The following KCNS3 variants were observed in gnomAD, a reference collection of about 807,000 sequenced individuals.
KCNS3 encodes the protein potassium voltage-gated channel modifier subfamily S member 3.
KCNS3 carries 13 observed loss-of-function variants against 31.0 expected under a neutral mutation model. The ratio of observed to expected loss-of-function variants is 0.42; its 90% confidence interval spans 0.27 to 0.67. KCNS3 has a LOEUF of 0.67. KCNS3 is among the 30% of genes least tolerant of loss of function. KCNS3 has a pLI of 0.25. For synonymous variants in KCNS3, 238 were observed against 241.5 expected, an observed-to-expected ratio of 0.99 and a Z score of 0.13; for missense variants, 545 against 622.4, an observed-to-expected ratio of 0.88 and a Z score of 1.32.
intron 2 of KCNS3, among the ~76,000 whole-genome samples, chr2:17,921,582 A>G (rs1255548993): frequency 6.6e-6 from 1 of 152,110 alleles, no homozygotes; most frequent in African/African-American, 2.4e-5. Context: ...ATTGATTAAG[A>G]GTTCCGCATG....
intron 2 of KCNS3, among the ~76,000 whole-genome samples, chr2:17,921,153 C>T (rs776028356): frequency 2.5e-4 from 38 of 152,338 alleles, no homozygotes; most frequent in South Asian, 4.1e-4. Context: ...GCACTTACCA[C>T]AGTGCATAGC....
At chr2:17,908,573 T>C (rs2125244227) in intron 1 of KCNS3, among the ~76,000 whole-genome samples, 1 of 152,354 alleles carries the variant, frequency 6.6e-6, no homozygotes, top group Non-Finnish European at 1.5e-5. Context: ...GCTCTGTTTT[T>C]TCCCCATCTT....
chr2:17,888,777 A>G (rs994405255), intron 1 of KCNS3, among the ~76,000 whole-genome samples: 13 of 150,400 alleles, frequency 8.6e-5, no homozygotes, highest in Non-Finnish European at 1.0e-4. Context: ...ATTCTGTTCC[A>G]TTGGTCCATG....
chr2:17,903,149 A>G (rs1201854233), intron 1 of KCNS3, among the ~76,000 whole-genome samples: 5 of 152,188 alleles, frequency 3.3e-5, no homozygotes, highest in African/African-American at 1.2e-4. Context: ...ACAGAATGGA[A>G]GCAGCCAGTA....
At chr2:17,885,477 G>A (rs1281843683) in intron 1 of KCNS3, among the ~76,000 whole-genome samples, 6 of 152,220 alleles carry the variant, frequency 3.9e-5, no homozygotes, top group Non-Finnish European at 8.8e-5. Context: ...ATTGGTTCAC[G>A]CAATTATGGA....
At chr2:17,878,459 G>C (rs1674557018), upstream of KCNS3, among the ~76,000 whole-genome samples, 1 of 151,926 alleles carries the variant, frequency 6.6e-6, no homozygotes, top group Non-Finnish European at 1.5e-5. Flanking sequence ...CTATGGGTCT[G>C]TCCGCCTGTC....
At chr2:17,904,892 G>A (rs929469419) in intron 1 of KCNS3, among the ~76,000 whole-genome samples, 18 of 152,212 alleles carry the variant, frequency 1.2e-4, no homozygotes, top group South Asian at 2.1e-4. Flanking sequence ...GTCAGGTAGC[G>A]TGATGCCTCC....
intron 1 of KCNS3, chr2:17,879,294 A>G (rs1674584517): frequency 1.3e-5 from 2 of 151,920 alleles, no homozygotes; most frequent in South Asian, 4.2e-4. Context: ...GCGCTTGTAA[A>G]TGCTTCCCGG....
chr2:17,921,913 G>GTATA (rs1373281256), intron 2 of KCNS3, among the ~76,000 whole-genome samples: 416 of 33,908 alleles, frequency 0.012, no homozygotes, highest in African/African-American at 0.015. Flanking sequence ...GTGTGTGTGT[G>GTATA]TGTATATATA....
At chr2:17,882,534 T>C (rs1017900171) in intron 1 of KCNS3, among the ~76,000 whole-genome samples, 4 of 152,108 alleles carry the variant, frequency 2.6e-5, no homozygotes, top group African/African-American at 9.7e-5. Context: ...CGAGAGTCCT[T>C]GGGGAGTGGG....
At chr2:17,889,554 G>A (rs1408134474) in intron 1 of KCNS3, among the ~76,000 whole-genome samples, 1 of 152,052 alleles carries the variant, frequency 6.6e-6, no homozygotes, top group Non-Finnish European at 1.5e-5. Flanking sequence ...GTATTATGTT[G>A]GCTGTGGGTT....
chr2:17,905,298 G>A (rs1051430645), intron 1 of KCNS3, among the ~76,000 whole-genome samples: 2 of 152,120 alleles, frequency 1.3e-5, no homozygotes, highest in African/African-American at 4.8e-5. Context: ...TGCGATTTTT[G>A]CACATTGATT....
intron 2 of KCNS3, among the ~76,000 whole-genome samples, chr2:17,923,875 G>T (rs1558459400): frequency 4.0e-5 from 6 of 151,736 alleles, no homozygotes; most frequent in Admixed American, 3.9e-4. Flanking sequence ...TAGAATTTTG[G>T]AATCAATTTG....
chr2:17,897,356 C>A (rs531773717), intron 1 of KCNS3, among the ~76,000 whole-genome samples: 1 of 152,200 alleles, frequency 6.6e-6, no homozygotes, highest in Non-Finnish European at 1.5e-5. Flanking sequence ...GAAGAACATA[C>A]AAATGCATGC....
Position 17,931,501 on chromosome 2 carries a change from G to A in KCNS3, c.493G>A (p.Gly165Ser). ...ELEKFDTLRF[G>S]QLRKKIWIRM... ...GGAGAAGTTTGACACACTGCGATTT[G>A]GTCAGCTCCGGAAGAAAATCTGGAT... The change falls in exon 3 of 3, where the codon GGT becomes AGT. Residue 165 changes from glycine to serine, a missense_variant. Coordinates refer to ENST00000304101, the MANE Select transcript of KCNS3 (RefSeq NM_002252.5). The surrounding 1 kb of genome is among the most constrained non-coding windows in gnomAD (Gnocchi z 5.4). 6.2e-7 allele frequency: 1 copy of A among 1,614,176 alleles called. No individual in the cohort carries two copies. Among genetic ancestry groups the A allele is most frequent in the South Asian group, 1.1e-5 (1 of 91,076 alleles).
Position 17,906,684 on chromosome 2 carries a change from A to G in KCNS3, c.-251-10996A>G, listed in dbSNP as rs373238204. ...TCGTTGTTCTCATTGGTTTCAAAGA[A>G]CATCTTTATTTCTGCCTTCATTTCA... On this transcript the variant is annotated intron_variant, in intron 1 of 2. Coordinates refer to ENST00000304101, the MANE Select transcript of KCNS3 (RefSeq NM_002252.5). Among the ~76,000 whole-genome samples the G allele has an allele frequency of 3.0e-4, 45 of 152,290 alleles. No individual in the cohort carries two copies. In the South Asian group the frequency reaches 5.8e-3, roughly 20 times the overall value.
rs1465868185 is a variant in KCNS3, at chr2:17,884,260, AAAAAAAAAATATATATATATATATATAT to A, written c.-252+5456_-252+5483del. 1.8e-4 allele frequency among the ~76,000 whole-genome samples: 15 copies of A among 81,386 alleles called. No homozygotes were observed. The East Asian group carries it at 7.9e-3, about 43-fold the overall frequency. 53.4% of individuals were successfully genotyped at this position (81,386 alleles called of 152,430 possible). ...CCCTAGAACTTAAAGTATAATTAAA[AAAAAAAAAATATATATATATATATATAT>A]ATATATATATATATATTTAAAAAGA... On this transcript the variant is annotated intron_variant, in intron 1 of 2. Transcript: ENST00000304101.
Position 17,932,516 on chromosome 2 carries a change from T to G in KCNS3, c.*32T>G. Reference sequence around the variant, plus strand: ...GTGTTTGTGCCTGTTTCTCTTATCCTTTCCCGACATTAGGTTAACACAGCT... The same window carrying G: ...GTGTTTGTGCCTGTTTCTCTTATCCGTTCCCGACATTAGGTTAACACAGCT... On this transcript the variant is annotated 3_prime_UTR_variant, in exon 3 of 3. Transcript: ENST00000304101. 1 of 1,574,096 alleles carries G rather than the reference T, an allele frequency of 6.4e-7. No individual in the cohort carries two copies. Among genetic ancestry groups the G allele is most frequent in the Non-Finnish European group, 8.6e-7 (1 of 1,161,928 alleles).
chr2:17,908,398 G>A (rs143744486), intron 1 of KCNS3, among the ~76,000 whole-genome samples: 2,703 of 152,148 alleles, frequency 0.018, 69 homozygotes, highest in African/African-American at 0.061. Flanking sequence ...CTTTGCCATG[G>A]GTTCGAACTT....
Sources: gnomAD v4.1 joint callset for allele counts (sites outside exome capture counted in the v4.1 genomes callset) on GRCh38, gnomAD v4.1.1 for gene constraint, Gnocchi (gnomAD v3.1) non-coding constraint, MANE v1.5 for transcripts, NCBI Gene and HGNC (gene_info 2026-07-23, HGNC 2026-07-21) for gene names.